Variants in DCTN1 observed in about 807,000 individuals in gnomAD.
DCTN1 encodes the protein dynactin subunit 1.
A neutral mutation model predicts 161.2 loss-of-function variants in DCTN1; 61 were observed. The ratio of observed to expected loss-of-function variants is 0.38; its 90% CI spans 0.31 to 0.47. The LOEUF is 0.47. Ranked by LOEUF, DCTN1 falls within the 20% of genes least tolerant of loss-of-function variation. The pLI, the probability that DCTN1 is intolerant of heterozygous loss-of-function variation, is 0.99. For synonymous variants in DCTN1, 653 were observed against 632.4 expected (o/e 1.03, Z -0.49); for missense variants, 1,404 against 1,623.7 (o/e 0.86, Z 2.33).
chr2:74,372,374 A>C (rs551100863), intron 7 of DCTN1, among the ~76,000 whole-genome samples: 1 of 152,160 alleles, frequency 6.6e-6, no homozygotes, highest in East Asian at 1.9e-4. Flanking sequence ...ATCTCCCCCG[A>C]TCTGGCAACA....
chr2:74,369,993 C>T lies in DCTN1; in HGVS notation c.1364G>A (p.Arg455His), dbSNP rs763277715. 16 of 1,614,072 alleles carry T rather than the reference C, an allele frequency of 9.9e-6. No homozygotes were observed. Among genetic ancestry groups the T allele is most frequent in the Non-Finnish European group, 1.4e-5 (16 of 1,180,050 alleles). Residue 455 changes from arginine (R) to histidine (H), a missense_variant, in exon 13 of 32, where the codon CGC (arginine) becomes CAC (histidine). By Grantham distance (29) the Arg-to-His change is conservative. Transcript: ENST00000628224. This position sits in a 1 kb window ranked among gnomAD's most constrained non-coding sequence, Gnocchi z 4.9. ...GTCTCCCACAGTCTCCCTCAACTCGCGCACTTTCTCTTCCAGATTCAGGTT... is the reference window on the plus strand; with the variant it reads ...GTCTCCCACAGTCTCCCTCAACTCGTGCACTTTCTCTTCCAGATTCAGGTT... Reference protein sequence around the residue: ...DRNLNLEEKVRELRETVGDLE... With the variant: ...DRNLNLEEKVHELRETVGDLE...
chr2:74,389,306 T>C (rs1675886454), intron 1 of DCTN1, among the ~76,000 whole-genome samples: 1 of 152,118 alleles, frequency 6.6e-6, no homozygotes, highest in South Asian at 2.1e-4. Flanking sequence ...CTGGCAATAT[T>C]CCAGCTCTTA....
chr2:74,361,765 A>G, intron 31 of DCTN1, 129 bp from the exon 32 acceptor site: 2 of 1,172,306 alleles, frequency 1.7e-6, no homozygotes, highest in Non-Finnish European at 2.5e-6. Context: ...ATCCTGGGCT[A>G]TTGTGACCAC....
upstream of DCTN1, chr2:74,385,174 A>G (rs1186623204): frequency 6.6e-6 from 1 of 152,094 alleles, no homozygotes; most frequent in Non-Finnish European, 1.5e-5. Flanking sequence ...ATGCAGCTCT[A>G]CTCCATCTCA....
rs1382084753 is a variant in DCTN1 at position 74,371,717 on chromosome 2, T to G, written c.465A>C (p.Pro155=). ...TTTRRPKPTR[P]ASTGVAGASS... is the part of the protein sequence containing the mutation. The stretch of plus-strand genomic sequence containing the variant: ...TGGCCCCAGCCACCCCAGTACTGGC[T>G]GGGCGCGTGGGCTATTCAGAAAGGG... Residue 155 remains proline (P), a synonymous_variant, in exon 8 of 32, where the codon CCA becomes CCC. Transcript: ENST00000628224. 1 of 1,607,832 alleles carries G rather than the reference T, an allele frequency of 6.2e-7. No individual in the cohort carries two copies. The highest frequency in any genetic ancestry group is 1.3e-5 in the African/African-American group (1 of 74,748).
intron 18 of DCTN1, 102 bp from the exon 19 acceptor site, chr2:74,367,522 T>C: frequency 6.7e-7 from 1 of 1,491,316 alleles, no homozygotes; most frequent in Non-Finnish European, 9.3e-7. Context: ...TCTCTGGAGG[T>C]ACAAGAGAAT....
chr2:74,366,357 T>C lies in DCTN1; in HGVS notation c.2647A>G (p.Ser883Gly), dbSNP rs747769504. 1 of 1,614,236 alleles carries C rather than the reference T, an allele frequency of 6.2e-7. No individual in the cohort carries two copies. Among genetic ancestry groups the C allele is most frequent in the East Asian group, 2.2e-5 (1 of 44,884 alleles). The change falls in exon 23 of 32, where the codon AGC becomes GGC. Residue 883 changes from serine to glycine, a missense_variant. Physicochemically the swap from Ser to Gly is moderately conservative, Grantham distance 56 (BLOSUM62 0). Coordinates refer to ENST00000628224, the MANE Select transcript of DCTN1 (RefSeq NM_004082.5). ...TGGCGCAGACACTCATAGGGGCTGCTGGAGGGGGTCCCATAGATCTGCAGG... is the reference window on the plus strand; with the variant it reads ...TGGCGCAGACACTCATAGGGGCTGCCGGAGGGGGTCCCATAGATCTGCAGG... ...ASEQIYGTPS[S>G]SPYECLRQSC...
At chr2:74,368,690 A>T (rs769427361) in intron 16 of DCTN1, 38 bp downstream of exon 16, 5 of 1,614,158 alleles carry the variant, frequency 3.1e-6, no homozygotes, top group Non-Finnish European at 3.4e-6. Context: ...TGGCAAGTTC[A>T]CTAGATTTCT....
Position 74,367,865 on chromosome 2 carries a change from C to G in DCTN1, c.2016-1G>C. The G allele has an allele frequency of 6.2e-7, 1 of 1,614,204 alleles. No individual in the cohort carries two copies. The highest frequency in any genetic ancestry group is 8.5e-7 in the Non-Finnish European group (1 of 1,180,036). The stretch of plus-strand genomic sequence containing the variant: ...ATCCACACTGCACTGAGAGAGGGCA[C>G]TAGAGACCAGAGAAGGGCACTGTGA... On this transcript the variant is annotated splice_acceptor_variant, in intron 17 of 31. Transcript: ENST00000628224. LOFTEE classifies it high-confidence loss of function.
At chr2:74,372,505 G>A (rs1674937473) in intron 7 of DCTN1, among the ~76,000 whole-genome samples, 1 of 152,190 alleles carries the variant, frequency 6.6e-6, no homozygotes, top group Non-Finnish European at 1.5e-5. Flanking sequence ...GTCTCCCAGT[G>A]GGCTGACACT....
At chr2:74,373,463 C>T in intron 6 of DCTN1, 2 of 211,972 alleles carry the variant, frequency 9.4e-6, no homozygotes, top group South Asian at 1.7e-4. Flanking sequence ...GAGATCAGGT[C>T]CCTAGGGTAG....
chr2:74,366,482 G>A lies in DCTN1; in HGVS notation c.2605C>T (p.Leu869=), dbSNP rs148511573. 8.7e-5 allele frequency: 140 copies of A among 1,614,220 alleles called. No individual in the cohort carries two copies. Among genetic ancestry groups the A allele is most frequent in the African/African-American group, 1.7e-4 (13 of 75,062 alleles). Reference sequence around the variant, plus strand: ...ACCTGCTCGCTTGCTTTGAAAGCCAGTTCCTCCAGAGCAGCCACAAGTAGC... The same window carrying A: ...ACCTGCTCGCTTGCTTTGAAAGCCAATTCCTCCAGAGCAGCCACAAGTAGC... ...EGLLVAALEE[L]AFKASEQIYG... The change falls in exon 22 of 32, where the codon CTG becomes TTG. Residue 869 remains leucine (L), a synonymous_variant. Transcript: ENST00000628224.
chr2:74,369,514 G>A lies in DCTN1; in HGVS notation c.1393-23C>T. On this transcript the variant is annotated intron_variant, in intron 13 of 31. Coordinates refer to ENST00000628224, the MANE Select transcript of DCTN1 (RefSeq NM_004082.5). The surrounding 1 kb of genome is among the most constrained non-coding windows in gnomAD (Gnocchi z 4.9). ...TTCCTAGGACACCACACCATAGTTT[G>A]GGCTAAAGAAAGGCAGGGTCGGCCA... 6.2e-7 allele frequency: 1 copy of A among 1,609,562 alleles called. No individual in the cohort carries two copies. Among genetic ancestry groups the A allele is most frequent in the Non-Finnish European group, 8.5e-7 (1 of 1,179,942 alleles).
intron 1 of DCTN1, among the ~76,000 whole-genome samples, chr2:74,387,445 G>A (rs1265198148): frequency 6.6e-6 from 1 of 152,060 alleles, no homozygotes; most frequent in African/African-American, 2.4e-5. Context: ...AACTGCCACA[G>A]AGCCCTCAAG....
intron 23 of DCTN1, 44 bp downstream of exon 23, chr2:74,366,200 C>T (rs749833142): frequency 1.1e-5 from 18 of 1,613,652 alleles, no homozygotes; most frequent in Non-Finnish European, 1.5e-5. Context: ...GCAAGTCTTA[C>T]TCCTACAGGC....
chr2:74,377,543 T>C (rs373181588), intron 3 of DCTN1, 77 bp from the exon 4 acceptor site: 9 of 1,532,498 alleles, frequency 5.9e-6, no homozygotes, highest in Non-Finnish European at 6.3e-6. Context: ...AATATGGTAG[T>C]GACGGAAAAA....
chr2:74,363,647 A>G lies in DCTN1; in HGVS notation c.3197-19T>C, dbSNP rs1258376234. On this transcript the variant is annotated intron_variant, in intron 26 of 31. Transcript: ENST00000628224. ...TGTTCTTCTGTGCTCGGGATAGCCC[A>G]TGGGGGAGCAGGAAAAGAGGAGAGA... 1.9e-6 allele frequency: 3 copies of G among 1,613,470 alleles called. No homozygotes were observed. The South Asian group carries it at 3.3e-5, about 18-fold the overall frequency.
rs769430160 is a variant in DCTN1 at position 74,377,454 on chromosome 2, G to T, written c.371C>A (p.Thr124Lys). The T allele has an allele frequency of 8.1e-6, 13 of 1,613,432 alleles. No individual in the cohort carries two copies. The highest frequency in any genetic ancestry group is 2.7e-5 in the African/African-American group (2 of 74,970). Residue 124 changes from threonine (T) to lysine (K), a missense_variant, in exon 4 of 32, where the codon ACA (threonine) becomes AAA (lysine). Physicochemically the swap from Thr to Lys is moderately conservative, Grantham distance 78. This residue lies in a region of DCTN1 where 174 missense variants were observed against 175.6 expected (regional missense o/e 0.99). Coordinates refer to ENST00000628224, the MANE Select transcript of DCTN1 (RefSeq NM_004082.5). The stretch of plus-strand genomic sequence containing the variant: ...CACCAGTTTGCTAGTCTTTGCAGTT[G>T]TATCAGTTCCCTCTGTAGAAAGCAA... ...SKVLKREGTD[T>K]TAKTSKLRGL...
In DCTN1 at chr2:74,369,088, C is replaced by T; in HGVS notation, c.1701+10G>A. On this transcript the variant is annotated intron_variant, in intron 15 of 31. Transcript: ENST00000628224. The surrounding 1 kb of genome is among the most constrained non-coding windows in gnomAD (Gnocchi z 4.9). ...GGCAGGGCTCCCTCAGACCCACACA[C>T]TTTCCTGACCTTGGCATGGGCCTTA... is the stretch of plus-strand genomic sequence containing the variant. 2 of 1,613,888 alleles carry T rather than the reference C, an allele frequency of 1.2e-6. No homozygotes were observed. The highest frequency in any genetic ancestry group is 1.7e-6 in the Non-Finnish European group (2 of 1,179,914).
Sources: gnomAD v4.1 joint callset for allele counts (sites outside exome capture counted in the v4.1 genomes callset) on GRCh38, gnomAD v4.1.1 for gene constraint, gnomAD v4.1.1 regional missense constraint, Gnocchi (gnomAD v3.1) non-coding constraint, MANE v1.5 for transcripts, NCBI Gene and HGNC (gene_info 2026-07-23, HGNC 2026-07-21) for gene names.